The following HOXB6 variants were observed in gnomAD, a reference collection of about 807,000 sequenced individuals.
The protein encoded by HOXB6 is homeobox protein Hox-B6.
A neutral mutation model predicts 24.2 loss-of-function variants in HOXB6; 18 were observed. That is an observed-to-expected ratio of 0.74 (90% CI 0.51 to 1.10). HOXB6 has a LOEUF of 1.10. Among genes scored for constraint, HOXB6 ranks in the 50% least tolerant of loss-of-function variants. HOXB6 has a pLI of 0.00. For missense variants in HOXB6, 332 were observed against 308.3 expected, an observed-to-expected ratio of 1.08 and a Z score of -0.58; for synonymous variants, 159 against 139.1, an observed-to-expected ratio of 1.14 and a Z score of -1.01.
chr17:48,601,773 C>A, intron 2 of HOXB6: 1 of 224,186 alleles, frequency 4.5e-6, no homozygotes, highest in East Asian at 1.3e-4. Flanking sequence ...TGCCTGGCAC[C>A]GCAGGCAATT....
chr17:48,597,754 G>T lies in HOXB6; in HGVS notation c.397C>A (p.Arg133=), dbSNP rs1484221283. ...CACTCACTGTTGCACGAATTCATCC[G>T]CTGCATCCACGGGTAGACCGGAGTG... The part of the protein sequence containing the change: ...CSTPVYPWMQ[R]MNSCNSSSFG... The change falls in exon 3 of 4, where the codon CGG becomes AGG. Residue 133 remains arginine, a synonymous_variant. Transcript: ENST00000225648. 2 of 1,612,844 alleles carry T rather than the reference G, an allele frequency of 1.2e-6. No individual in the cohort carries two copies. The highest frequency in any genetic ancestry group is 2.2e-5 in the South Asian group (2 of 90,768).
chr17:48,597,473 C>T (rs1488203955), intron 3 of HOXB6, among the ~76,000 whole-genome samples: 1 of 152,218 alleles, frequency 6.6e-6, no homozygotes, highest in Non-Finnish European at 1.5e-5. Context: ...CCTGGAACCC[C>T]GGCTCTGGCC....
In HOXB6 at chr17:48,597,723, A is replaced by T. The variant is rs2070344064; in HGVS notation, c.415+13T>A. On this transcript the variant is annotated intron_variant, in intron 3 of 3. Coordinates refer to ENST00000225648, the MANE Select transcript of HOXB6 (RefSeq NM_018952.5). ...GGGGAGCCGGGGCGACGGCGACGGGAAGTCTCACTCACTGTTGCACGAATT... is the reference window on the plus strand; with the variant it reads ...GGGGAGCCGGGGCGACGGCGACGGGTAGTCTCACTCACTGTTGCACGAATT... 1 of 1,611,494 alleles carries T rather than the reference A, an allele frequency of 6.2e-7. No individual in the cohort carries two copies. Among genetic ancestry groups the T allele is most frequent in the Non-Finnish European group, 8.5e-7 (1 of 1,179,044 alleles).
At chr17:48,597,404 G>C (rs989882958) in intron 3 of HOXB6, among the ~76,000 whole-genome samples, 1 of 152,112 alleles carries the variant, frequency 6.6e-6, no homozygotes, top group African/African-American at 2.4e-5. Flanking sequence ...GGGAGAGGGG[G>C]GTTGGGGGCT....
At chr17:48,600,664 G>T in intron 2 of HOXB6, 1 of 397,040 alleles carries the variant, frequency 2.5e-6, no homozygotes, top group Non-Finnish European at 5.1e-6. Context: ...TCTGTGGTTC[G>T]GTCCACCGCC....
intron 3 of HOXB6, chr17:48,597,076 CG>C: frequency 5.4e-6 from 6 of 1,103,018 alleles, no homozygotes; most frequent in Non-Finnish European, 6.7e-6. Context: ...TCCACATTAA[CG>C]GCTCCTCACT....
At chr17:48,597,406 T>C (rs946843428) in intron 3 of HOXB6, among the ~76,000 whole-genome samples, 2 of 151,716 alleles carry the variant, frequency 1.3e-5, no homozygotes, top group Non-Finnish European at 2.9e-5. Flanking sequence ...GAGAGGGGGG[T>C]TGGGGGCTCA....
rs1242356764 is a variant in HOXB6 at position 48,595,853 on chromosome 17, TAAGAC to T, written c.*555_*559del. 7.3e-6 allele frequency: 2 copies of T among 275,862 alleles called. No individual in the cohort carries two copies. Among genetic ancestry groups the T allele is most frequent in the Non-Finnish European group, 1.4e-5 (2 of 138,728 alleles). The allele number at this position is 275,862 out of a possible 1,614,324, so 17.1% of individuals were successfully genotyped here. On this transcript the variant is annotated 3_prime_UTR_variant, in exon 4 of 4. Coordinates refer to ENST00000225648, the MANE Select transcript of HOXB6 (RefSeq NM_018952.5). ...CATCGAAGTATTTCACGTCCAGAGCTAAGACAAGACTACAAACACAACACATAGAA... is the reference window on the plus strand; with the variant it reads ...CATCGAAGTATTTCACGTCCAGAGCTAAGACTACAAACACAACACATAGAA...
At position 48,596,800 on chromosome 17, in the gene HOXB6, C is replaced by A. The variant is rs1159477256; in HGVS notation, c.416-128G>T. The A allele has an allele frequency of 7.0e-7, 1 of 1,426,210 alleles. No individual in the cohort carries two copies. The highest frequency in any genetic ancestry group is 9.6e-7 in the Non-Finnish European group (1 of 1,044,130). The allele number at this position is 1,426,210 out of a possible 1,614,324, so 88.3% of individuals were successfully genotyped here. ...CTCTATTCTGCCGGCTCCCTTCCCC[C>A]GTTTCGCACTCCTCCAGCGCCCCCT... On this transcript the variant is annotated intron_variant, in intron 3 of 3. Transcript: ENST00000225648. This position sits in a 1 kb window ranked among gnomAD's most constrained non-coding sequence, Gnocchi z 4.8.
rs552230381 is a variant in HOXB6, at chr17:48,598,163, C to A, written c.-13G>T. ...AATAGGAACTCATTGGGAGGGGAGG[C>A]GCGCGCGGCCGCTGCTGCTCCGCCG... On this transcript the variant is annotated 5_prime_UTR_variant, in exon 3 of 4. Coordinates refer to ENST00000225648, the MANE Select transcript of HOXB6 (RefSeq NM_018952.5). 51 of 1,562,156 alleles carry A rather than the reference C, an allele frequency of 3.3e-5. No individual in the cohort carries two copies. The South Asian group carries it at 4.4e-4, about 13-fold the overall frequency.
intron 2 of HOXB6, 54 bp from the exon 3 acceptor site, chr17:48,598,282 C>G: frequency 2.3e-6 from 2 of 860,220 alleles, no homozygotes; most frequent in Non-Finnish European, 3.5e-6. Context: ...TGGCGAGGTG[C>G]CAGTGAGGGC....
chr17:48,603,381 T>A (rs1279725479), intron 2 of HOXB6, among the ~76,000 whole-genome samples: 1 of 152,172 alleles, frequency 6.6e-6, no homozygotes, highest in Non-Finnish European at 1.5e-5. Context: ...AAGGCCTGAC[T>A]GAGGGATAAA....
At chr17:48,603,360 C>G (rs1035466151) in intron 2 of HOXB6, among the ~76,000 whole-genome samples, 3 of 152,130 alleles carry the variant, frequency 2.0e-5, no homozygotes, top group Non-Finnish European at 4.4e-5. Context: ...TCCGCCCTCC[C>G]CACCCCCTAG....
At chr17:48,602,031 T>C (rs1305486535) in intron 2 of HOXB6, 1 of 448,268 alleles carries the variant, frequency 2.2e-6, no homozygotes, top group Non-Finnish European at 4.5e-6. Flanking sequence ...CCTTAAGGAT[T>C]TGGCCCCAGT....
In HOXB6 at chr17:48,597,847, C is replaced by T. The variant is rs2070350817; in HGVS notation, c.304G>A (p.Glu102Lys). 3.1e-6 allele frequency: 5 copies of T among 1,598,266 alleles called. No individual in the cohort carries two copies. The highest frequency in any genetic ancestry group is 1.1e-5 in the South Asian group (1 of 89,122). ...GADEQPPFHP[E>K]PRKSDCAQDK... Reference sequence around the variant, plus strand: ...TGCGCGCAGTCCGACTTCCGCGGCTCGGGGTGGAACGGGGGCTGCTCGTCG... The same window carrying T: ...TGCGCGCAGTCCGACTTCCGCGGCTTGGGGTGGAACGGGGGCTGCTCGTCG... Residue 102 changes from glutamate (E) to lysine (K), a missense_variant, in exon 3 of 4, where the codon GAG (glutamate) becomes AAG (lysine). Glu to Lys is a moderately conservative substitution (Grantham distance 56, BLOSUM62 1). Transcript: ENST00000225648.
In HOXB6 at chr17:48,596,193, C is replaced by A. The variant is rs1302635169; in HGVS notation, c.*220G>T. On this transcript the variant is annotated 3_prime_UTR_variant, in exon 4 of 4. Coordinates refer to ENST00000225648, the MANE Select transcript of HOXB6 (RefSeq NM_018952.5). The surrounding 1 kb of genome is among the most constrained non-coding windows in gnomAD (Gnocchi z 4.8). ...AGGCGAGTTCCTCGGGAAGGAAGGG[C>A]GCGCGGGATGCTGGGTGGGCTCGAG... 3 of 718,314 alleles carry A rather than the reference C, an allele frequency of 4.2e-6. No homozygotes were observed. Among genetic ancestry groups the A allele is most frequent in the Non-Finnish European group, 7.5e-6 (3 of 400,772 alleles). 44.5% of individuals were successfully genotyped at this position (718,314 alleles called of 1,614,324 possible). A position where few individuals can be genotyped will look rare whatever the true frequency, so the allele number is the denominator to read the frequency against.
At position 48,598,226 on chromosome 17, in the gene HOXB6, CGCCTA is replaced by C; in HGVS notation, c.-78-3_-77del. On this transcript the variant is annotated splice_acceptor_variant and splice_polypyrimidine_tract_variant and 5_prime_UTR_variant and intron_variant, in exon 3 of 4. Transcript: ENST00000225648. LOFTEE classifies it low-confidence loss of function (5UTR_SPLICE). The stretch of plus-strand genomic sequence containing the variant: ...GTTGTGTTTTATAGTCCGAGCGCCG[CGCCTA>C]TTAGTAGTATATCCGAGATTGGGTT... 1 of 1,419,562 alleles carries C rather than the reference CGCCTA, an allele frequency of 7.0e-7. No individual in the cohort carries two copies. The highest frequency in any genetic ancestry group is 9.4e-7 in the Non-Finnish European group (1 of 1,069,188). 87.9% of individuals were successfully genotyped at this position (1,419,562 alleles called of 1,614,324 possible). A position where few individuals can be genotyped will look rare whatever the true frequency, so the allele number is the denominator to read the frequency against.
Position 48,596,068 on chromosome 17 carries a change from C to T in HOXB6, c.*345G>A. 1 of 501,544 alleles carries T rather than the reference C, an allele frequency of 2.0e-6. No homozygotes were observed. The highest frequency in any genetic ancestry group is 3.9e-6 in the Non-Finnish European group (1 of 256,882). The allele number at this position is 501,544 out of a possible 1,614,324, so 31.1% of individuals were successfully genotyped here. ...TTGAACCGTGCACGGGGGACATGGACAAAATGAGACGCGACAGGGACAAGA... is the reference window on the plus strand; with the variant it reads ...TTGAACCGTGCACGGGGGACATGGATAAAATGAGACGCGACAGGGACAAGA... On this transcript the variant is annotated 3_prime_UTR_variant, in exon 4 of 4. Coordinates refer to ENST00000225648, the MANE Select transcript of HOXB6 (RefSeq NM_018952.5). The surrounding 1 kb of genome is among the most constrained non-coding windows in gnomAD (Gnocchi z 4.8).
chr17:48,604,019 GCCGGGAA>G (rs1233586443), intron 2 of HOXB6: 1 of 152,770 alleles, frequency 6.5e-6, no homozygotes, highest in African/African-American at 2.4e-5. Flanking sequence ...TGCCAGTGCT[GCCGGGAA>G]CCCAGCGATA....
Sources: allele counts gnomAD v4.1 joint callset (sites outside exome capture counted in the v4.1 genomes callset), GRCh38; gene constraint gnomAD v4.1.1; non-coding constraint Gnocchi (gnomAD v3.1); transcripts MANE v1.5; gene names NCBI Gene and HGNC (gene_info 2026-07-23, HGNC 2026-07-21).